The following FAM135B variants were observed in gnomAD, a reference collection of about 807,000 sequenced individuals.
FAM135B encodes the protein protein FAM135B.
FAM135B carries 43 observed loss-of-function variants against 127.7 expected under a neutral mutation model. That is an observed-to-expected ratio of 0.34 (90% confidence interval 0.26 to 0.43). The LOEUF (loss-of-function observed/expected upper bound fraction) is 0.43. FAM135B is among the 20% of genes least tolerant of loss of function. FAM135B has a pLI of 1.00. For missense variants in FAM135B, 1,558 were observed against 1,725.6 expected (o/e 0.90, Z 1.72); for synonymous variants, 670 against 665.1 (o/e 1.01, Z -0.11).
chr8:138,491,911 G>A (rs1307298985), intron 1 of FAM135B, among the ~76,000 whole-genome samples: 1 of 152,192 alleles, frequency 6.6e-6, no homozygotes, highest in African/African-American at 2.4e-5. Context: ...CAGGAGGCCA[G>A]GGTGGGTAGA....
intron 3 of FAM135B, among the ~76,000 whole-genome samples, chr8:138,308,698 T>C (rs1343560500): frequency 6.6e-6 from 1 of 152,150 alleles, no homozygotes; most frequent in African/African-American, 2.4e-5. Flanking sequence ...CATTACTCGC[T>C]GGGCTCTGCC....
At position 138,491,156 on chromosome 8, in the gene FAM135B, A is replaced by AG. The variant is rs1298147172; in HGVS notation, c.-20+5514_-20+5515insC. On this transcript the variant is annotated intron_variant, in intron 1 of 19. Coordinates refer to ENST00000395297, the MANE Select transcript of FAM135B (RefSeq NM_015912.4). ...AAACTCTCTCTCAAAAAAAAAAAAA[A>AG]AAAGAAAGAAAGAAAGAAAGACAAG... is the stretch of plus-strand genomic sequence containing the variant. 6.0e-3 allele frequency among the ~76,000 whole-genome samples: 887 copies of AG among 147,026 alleles called. 9 individuals are homozygous for AG. The highest frequency in any genetic ancestry group is 0.021 in the African/African-American group (778 of 37,160).
chr8:138,275,118 T>C (rs1191413344), intron 3 of FAM135B, among the ~76,000 whole-genome samples: 1 of 152,164 alleles, frequency 6.6e-6, no homozygotes, highest in African/African-American at 2.4e-5. Context: ...AAGACAGGCA[T>C]AAGAAATTAT....
chr8:138,389,735 T>C (rs187598488), intron 1 of FAM135B, among the ~76,000 whole-genome samples: 5 of 152,320 alleles, frequency 3.3e-5, no homozygotes, highest in African/African-American at 7.2e-5. Context: ...GACTGCATAG[T>C]GGTGATAGTT....
intron 1 of FAM135B, chr8:138,425,574 T>A (rs1383185062): frequency 6.6e-6 from 1 of 152,030 alleles, no homozygotes; most frequent in African/African-American, 2.4e-5. Flanking sequence ...TCAGAGCAGC[T>A]CCTCTCATTG....
intron 17 of FAM135B, among the ~76,000 whole-genome samples, chr8:138,139,481 C>T (rs532811886): frequency 6.6e-6 from 1 of 152,304 alleles, no homozygotes; most frequent in South Asian, 2.1e-4. Flanking sequence ...CACTTCACAA[C>T]TCATCTGTTG....
chr8:138,350,358 T>G (rs1480994056), intron 2 of FAM135B, among the ~76,000 whole-genome samples: 1 of 152,146 alleles, frequency 6.6e-6, no homozygotes, highest in Non-Finnish European at 1.5e-5. Flanking sequence ...ATTCCAACCC[T>G]CTAATCAAAT....
intron 1 of FAM135B, among the ~76,000 whole-genome samples, chr8:138,372,065 T>G (rs376742209): frequency 1.8e-4 from 28 of 152,314 alleles, no homozygotes; most frequent in African/African-American, 6.5e-4. Context: ...GGCACTCAGG[T>G]ACGGCCTCCC....
At chr8:138,306,004 CAATTT>C (rs1231529770) in intron 3 of FAM135B, among the ~76,000 whole-genome samples, 2 of 152,122 alleles carry the variant, frequency 1.3e-5, no homozygotes, top group East Asian at 1.9e-4. Context: ...AAGTAGCATT[CAATTT>C]GAGTACTGAG....
chr8:138,328,087 C>G (rs1191955482), intron 2 of FAM135B, among the ~76,000 whole-genome samples: 1 of 152,052 alleles, frequency 6.6e-6, no homozygotes, highest in Non-Finnish European at 1.5e-5. Flanking sequence ...TTTTTATATT[C>G]CTTGGAGAAC....
chr8:138,151,972 C>G lies in FAM135B; in HGVS notation c.2503G>C (p.Asp835His), dbSNP rs764182269. 2 of 1,614,136 alleles carry G rather than the reference C, an allele frequency of 1.2e-6. No individual in the cohort carries two copies. Among genetic ancestry groups the G allele is most frequent in the Non-Finnish European group, 1.7e-6 (2 of 1,180,024 alleles). ...CCGGGGCCCTGCTGGTTGTCAGCAT[C>G]TAAAACTATCTCCACCAGGGGATGG... is the stretch of plus-strand genomic sequence containing the variant. ...ADHPLVEIVL[D>H]ADNQQGPGYI... The change falls in exon 13 of 20, where the codon GAT (aspartate) becomes CAT (histidine). Residue 835 changes from aspartate to histidine, a missense_variant. Coordinates refer to ENST00000395297, the MANE Select transcript of FAM135B (RefSeq NM_015912.4).
intron 7 of FAM135B, among the ~76,000 whole-genome samples, chr8:138,237,483 G>A (rs74306785): frequency 0.032 from 4,924 of 152,126 alleles, 213 homozygotes; most frequent in African/African-American, 0.11. Context: ...CTTTAATGAC[G>A]GTCTGTCAGA....
intron 3 of FAM135B, among the ~76,000 whole-genome samples, chr8:138,301,379 T>C (rs1825876983): frequency 6.6e-6 from 1 of 152,236 alleles, no homozygotes; most frequent in African/African-American, 2.4e-5. Context: ...GGATTTTTTT[T>C]CTTTAAGTAA....
intron 1 of FAM135B, among the ~76,000 whole-genome samples, chr8:138,478,567 G>A (rs907374804): frequency 6.6e-6 from 1 of 152,140 alleles, no homozygotes; most frequent in African/African-American, 2.4e-5. Flanking sequence ...CAGTGATCCT[G>A]CCTTATCAGA....
At chr8:138,202,668 G>T (rs946215441) in intron 7 of FAM135B, among the ~76,000 whole-genome samples, 2 of 152,136 alleles carry the variant, frequency 1.3e-5, no homozygotes, top group South Asian at 2.1e-4. Context: ...AGCATCAGAG[G>T]GTTGCTATTA....
intron 3 of FAM135B, among the ~76,000 whole-genome samples, chr8:138,292,414 AC>A (rs1357713749): frequency 2.0e-5 from 3 of 152,090 alleles, no homozygotes; most frequent in Non-Finnish European, 4.4e-5. Flanking sequence ...AGAAAAAAGA[AC>A]TAAACTTCAT....
intron 7 of FAM135B, among the ~76,000 whole-genome samples, chr8:138,234,150 CAAAT>C (rs1240567011): frequency 6.6e-6 from 1 of 151,924 alleles, no homozygotes; most frequent in Non-Finnish European, 1.5e-5. Flanking sequence ...TTAAAAGACT[CAAAT>C]GAATTAAACT....
intron 1 of FAM135B, among the ~76,000 whole-genome samples, chr8:138,385,438 T>C (rs927209778): frequency 6.6e-6 from 1 of 152,160 alleles, no homozygotes; most frequent in Non-Finnish European, 1.5e-5. Context: ...TATTTGCCGA[T>C]TGAACTAAAG....
At position 138,242,163 on chromosome 8, in the gene FAM135B, CT is replaced by C. The variant is rs1186554405; in HGVS notation, c.669+778del. Among the ~76,000 whole-genome samples the C allele has an allele frequency of 3.4e-5, 4 of 118,448 alleles. No homozygotes were observed. In the South Asian group the frequency reaches 1.2e-3, roughly 35 times the overall value. 77.7% of individuals were successfully genotyped at this position (118,448 alleles called of 152,430 possible). A position where few individuals can be genotyped will look rare whatever the true frequency, so the allele number is the denominator to read the frequency against. On this transcript the variant is annotated intron_variant, in intron 7 of 19. Coordinates refer to ENST00000395297, the MANE Select transcript of FAM135B (RefSeq NM_015912.4). The surrounding 1 kb of genome is among the most constrained non-coding windows in gnomAD (Gnocchi z 9.6). ...TGAGTCAATTACTTATGATAAATCT[CT>C]TTGTGTGTGTGTGTGTGTGTGTGTG...
Sources: gnomAD v4.1 joint callset for allele counts (sites outside exome capture counted in the v4.1 genomes callset) on GRCh38, gnomAD v4.1.1 for gene constraint, Gnocchi (gnomAD v3.1) non-coding constraint, MANE v1.5 for transcripts, NCBI Gene and HGNC (gene_info 2026-07-23, HGNC 2026-07-21) for gene names.